PDE4B: variants seen among roughly 807,000 people sequenced by gnomAD.
PDE4B encodes the protein 3',5'-cyclic-AMP phosphodiesterase 4B.
In PDE4B, 20 loss-of-function variants were observed where a neutral mutation model predicts 82.2. That is an observed-to-expected ratio of 0.24 (90% confidence interval 0.17 to 0.35). The LOEUF is 0.35. Among genes scored for constraint, PDE4B ranks in the 10% least tolerant of loss-of-function variants. The pLI, the probability that PDE4B is intolerant of heterozygous loss-of-function variation, is 1.00. For missense variants in PDE4B, 655 were observed against 907.2 expected (o/e 0.72, Z 3.57); for synonymous variants, 320 against 318.9 (o/e 1.00, Z -0.04).
At chr1:65,916,532 T>C (rs1394684504) in intron 2 of PDE4B, among the ~76,000 whole-genome samples, 2 of 152,172 alleles carry the variant, frequency 1.3e-5, no homozygotes, top group Non-Finnish European at 2.9e-5. Flanking sequence ...AGAGATAAAG[T>C]ATATATTCAA....
intron 3 of PDE4B, among the ~76,000 whole-genome samples, chr1:65,949,205 G>C (rs1053785033): frequency 6.6e-6 from 1 of 152,028 alleles, no homozygotes; most frequent in Non-Finnish European, 1.5e-5. Flanking sequence ...ATTCCCAGGG[G>C]TCCTTCTGAC....
At chr1:66,110,064 T>C (rs1191812595) in intron 3 of PDE4B, among the ~76,000 whole-genome samples, 1 of 152,050 alleles carries the variant, frequency 6.6e-6, no homozygotes, top group Non-Finnish European at 1.5e-5. Context: ...TTTCCAACAC[T>C]GCAGTGGAGT....
At chr1:66,247,060 G>C (rs1463256441) in intron 3 of PDE4B, among the ~76,000 whole-genome samples, 1 of 152,142 alleles carries the variant, frequency 6.6e-6, no homozygotes, top group East Asian at 1.9e-4. Context: ...TGATAGTTCA[G>C]GGTCTGACAC....
At chr1:65,826,315 G>A (rs1397794995) in intron 1 of PDE4B, among the ~76,000 whole-genome samples, 1 of 151,954 alleles carries the variant, frequency 6.6e-6, no homozygotes, top group East Asian at 1.9e-4. Flanking sequence ...TTTATTCTAG[G>A]GAAGAAGTTG....
intron 3 of PDE4B, among the ~76,000 whole-genome samples, chr1:66,223,908 C>T (rs1048278676): frequency 1.3e-5 from 2 of 152,118 alleles, no homozygotes; most frequent in Admixed American, 6.5e-5. Context: ...TCTTTGTCTC[C>T]GTGACAAATG....
At chr1:65,808,685 T>G (rs1167111566) in intron 1 of PDE4B, among the ~76,000 whole-genome samples, 1 of 152,200 alleles carries the variant, frequency 6.6e-6, no homozygotes, top group Non-Finnish European at 1.5e-5. Flanking sequence ...AATTCTGATG[T>G]GGTGGGACCT....
chr1:66,188,152 A>G (rs1444555402), intron 3 of PDE4B, among the ~76,000 whole-genome samples: 4 of 151,660 alleles, frequency 2.6e-5, no homozygotes, highest in Admixed American at 1.3e-4. Context: ...GTTTTGAGTG[A>G]GTTTCTTAAT....
intron 1 of PDE4B, among the ~76,000 whole-genome samples, chr1:65,819,369 G>T (rs138751899): frequency 1.3e-5 from 2 of 152,196 alleles, no homozygotes; most frequent in Admixed American, 1.3e-4. Flanking sequence ...CAGAAGGCTT[G>T]TAGGAGTGCC....
At chr1:65,989,421 G>A (rs1365442245) in intron 3 of PDE4B, among the ~76,000 whole-genome samples, 1 of 152,080 alleles carries the variant, frequency 6.6e-6, no homozygotes, top group Non-Finnish European at 1.5e-5. Context: ...GAACCCGGAG[G>A]CAGAGGTTGC....
intron 1 of PDE4B, among the ~76,000 whole-genome samples, chr1:65,838,990 G>A (rs143402170): frequency 6.6e-6 from 1 of 152,124 alleles, no homozygotes; most frequent in African/African-American, 2.4e-5. Flanking sequence ...ACTTAAAAAG[G>A]TTGTATTAAG....
At chr1:66,157,015 A>G (rs962290750) in intron 3 of PDE4B, among the ~76,000 whole-genome samples, 1 of 152,114 alleles carries the variant, frequency 6.6e-6, no homozygotes, top group African/African-American at 2.4e-5. Context: ...CTTGAGCTCT[A>G]AACTTGTGTA....
intron 3 of PDE4B, among the ~76,000 whole-genome samples, chr1:66,195,983 A>G (rs999228435): frequency 7.2e-5 from 11 of 152,028 alleles, no homozygotes; most frequent in African/African-American, 2.7e-4. Context: ...CAAAGCTAGT[A>G]TGTCCAATGT....
At chr1:65,935,296 A>G (rs1384746740) in intron 3 of PDE4B, among the ~76,000 whole-genome samples, 5 of 152,166 alleles carry the variant, frequency 3.3e-5, no homozygotes, top group Non-Finnish European at 7.3e-5. Flanking sequence ...AAGAATAAGG[A>G]AAGAAATTAG....
intron 3 of PDE4B, among the ~76,000 whole-genome samples, chr1:66,000,476 C>T (rs116537660): frequency 7.9e-5 from 12 of 152,260 alleles, no homozygotes; most frequent in Admixed American, 2.0e-4. Flanking sequence ...CTAGAAAAGA[C>T]GTCACTGAGA....
At chr1:66,163,782 C>G (rs1646665987) in intron 3 of PDE4B, among the ~76,000 whole-genome samples, 1 of 152,118 alleles carries the variant, frequency 6.6e-6, no homozygotes, top group South Asian at 2.1e-4. Context: ...AACAGCTGCC[C>G]AGCTTCCCAT....
At chr1:66,137,263 C>T (rs764889350) in intron 3 of PDE4B, among the ~76,000 whole-genome samples, 10 of 151,964 alleles carry the variant, frequency 6.6e-5, no homozygotes, top group Admixed American at 4.6e-4. Flanking sequence ...TTTGATGTCT[C>T]GTGGGGTGTA....
intron 1 of PDE4B, among the ~76,000 whole-genome samples, chr1:65,870,418 CACTA>C (rs1646559871): frequency 6.6e-6 from 1 of 152,090 alleles, no homozygotes; most frequent in Non-Finnish European, 1.5e-5. Flanking sequence ...GAAACAAACA[CACTA>C]ACTAAACCAA....
chr1:66,229,291 G>A (rs1651753275), intron 3 of PDE4B, among the ~76,000 whole-genome samples: 1 of 151,886 alleles, frequency 6.6e-6, no homozygotes, highest in South Asian at 2.1e-4. Flanking sequence ...TTACAGGCGT[G>A]AGCCACCATG....
intron 3 of PDE4B, among the ~76,000 whole-genome samples, chr1:65,952,353 C>T (rs1018523135): frequency 6.6e-6 from 1 of 152,026 alleles, no homozygotes; most frequent in Non-Finnish European, 1.5e-5. Context: ...CTAATGCCTT[C>T]TCCATCATAA....
Sources: allele counts gnomAD v4.1 joint callset (sites outside exome capture counted in the v4.1 genomes callset), GRCh38; gene constraint gnomAD v4.1.1; transcripts MANE v1.5; gene names NCBI Gene and HGNC (gene_info 2026-07-23, HGNC 2026-07-21).